WDR31: variants seen among roughly 807,000 people sequenced by gnomAD.
WDR31 encodes WD repeat domain 31.
A neutral mutation model predicts 47.3 loss-of-function variants in WDR31; 30 were observed. The observed-to-expected ratio is 0.63, with a 90% CI of 0.47 to 0.86. WDR31 has a LOEUF of 0.86. WDR31 is among the 40% of genes least tolerant of loss of function. The pLI, the probability that WDR31 is intolerant of heterozygous loss-of-function variation, is 0.00. For synonymous variants in WDR31, 137 were observed against 159.4 expected (o/e 0.86, Z 1.06); for missense variants, 406 against 442.9 (o/e 0.92, Z 0.75).
chr9:113,317,465 C>T (rs1430964763), intron 10 of WDR31, among the ~76,000 whole-genome samples: 1 of 152,242 alleles, frequency 6.6e-6, no homozygotes, highest in Non-Finnish European at 1.5e-5. Context: ...TCTCCCTGGT[C>T]AGATTTATGA....
chr9:113,335,165 A>G (rs1409386413), intron 2 of WDR31, among the ~76,000 whole-genome samples: 1 of 152,238 alleles, frequency 6.6e-6, no homozygotes, highest in Non-Finnish European at 1.5e-5. Context: ...CTGAAAAGAA[A>G]GAGAATGAAT....
chr9:113,329,190 T>C (rs1305246494), intron 4 of WDR31, among the ~76,000 whole-genome samples: 1 of 152,244 alleles, frequency 6.6e-6, no homozygotes, highest in Non-Finnish European at 1.5e-5. Context: ...GGACCACTGC[T>C]CTAAACTTAC....
rs138623027 is a variant in WDR31, at chr9:113,331,146, A to T, written c.117-30T>A. 954 of 675,140 alleles carry T rather than the reference A, an allele frequency of 1.4e-3. 27 individuals carry two copies. The East Asian group carries it at 0.056, about 40-fold the overall frequency. The allele number at this position is 675,140 out of a possible 1,614,324, so 41.8% of individuals were successfully genotyped here. A position where few individuals can be genotyped will look rare whatever the true frequency, so the allele number is the denominator to read the frequency against. On this transcript the variant is annotated intron_variant, in intron 3 of 10. Transcript: ENST00000374193. ...AAAGAGTATAGAAAATGAGAGACCC[A>T]ATGGCATGGGAGTGGATGGGGGTGG... is the stretch of plus-strand genomic sequence containing the variant.
Position 113,316,794 on chromosome 9 carries a change from C to G in WDR31, c.1059G>C (p.Met353Ile). 6.2e-7 allele frequency: 1 copy of G among 1,614,130 alleles called. No individual in the cohort carries two copies. Among genetic ancestry groups the G allele is most frequent in the Non-Finnish European group, 8.5e-7 (1 of 1,180,014 alleles). ...GCAGTTCCAGCCCTTGGCTGTGGTCCATTCTGAGTAAGTGAATTCCTCTGT... is the reference window on the plus strand; with the variant it reads ...GCAGTTCCAGCCCTTGGCTGTGGTCGATTCTGAGTAAGTGAATTCCTCTGT... ...SFNRGIHLLR[M>I]DHSQGLELQE... is the part of the protein sequence containing the mutation. The change falls in exon 11 of 11, where the codon ATG becomes ATC. Residue 353 changes from methionine to isoleucine, a missense_variant. Transcript: ENST00000374193.
intron 10 of WDR31, 93 bp from the exon 11 acceptor site, chr9:113,317,002 T>C: frequency 6.9e-7 from 1 of 1,439,290 alleles, no homozygotes; most frequent in South Asian, 1.3e-5. Context: ...ATAAAGCATT[T>C]GCTGTACATA....
In WDR31 at chr9:113,316,734, G is replaced by C; in HGVS notation, c.*15C>G. 6.2e-7 allele frequency: 1 copy of C among 1,611,434 alleles called. No homozygotes were observed. The highest frequency in any genetic ancestry group is 8.5e-7 in the Non-Finnish European group (1 of 1,178,640). ...GAGCCATGGTTTGATATTGTCCAGT[G>C]AGTGTCTCTTGGCCTCAGAATGCTG... is the stretch of plus-strand genomic sequence containing the variant. On this transcript the variant is annotated 3_prime_UTR_variant, in exon 11 of 11. Transcript: ENST00000374193.
chr9:113,329,884 G>A (rs1833556586), intron 4 of WDR31, among the ~76,000 whole-genome samples: 1 of 151,994 alleles, frequency 6.6e-6, no homozygotes, highest in Non-Finnish European at 1.5e-5. Flanking sequence ...GGGAAGCTGA[G>A]GCTGGAGAAT....
chr9:113,331,424 G>T (rs966322492), intron 3 of WDR31, among the ~76,000 whole-genome samples: 5 of 152,102 alleles, frequency 3.3e-5, no homozygotes, highest in Non-Finnish European at 5.9e-5. Context: ...CTCTGTGTAT[G>T]GGTGCAGACA....
Position 113,313,737 on chromosome 9 carries a change from T to C in WDR31, c.*3012A>G, listed in dbSNP as rs1010027962. The C allele has an allele frequency of 2.0e-5, 3 of 152,168 alleles. No individual in the cohort carries two copies. Among genetic ancestry groups the C allele is most frequent in the Non-Finnish European group, 2.9e-5 (2 of 68,036 alleles). 9.4% of individuals were successfully genotyped at this position (152,168 alleles called of 1,614,324 possible). Reference sequence around the variant, plus strand: ...TGGGAATAACAAATGAGAATAAATATATTTAGCCCTCTGTAGATGCTCAGT... The same window carrying C: ...TGGGAATAACAAATGAGAATAAATACATTTAGCCCTCTGTAGATGCTCAGT... On this transcript the variant is annotated 3_prime_UTR_variant, in exon 11 of 11. Transcript: ENST00000374193.
intron 2 of WDR31, among the ~76,000 whole-genome samples, chr9:113,333,336 A>C (rs2118848595): frequency 6.6e-6 from 1 of 150,938 alleles, no homozygotes; most frequent in Middle Eastern, 3.4e-3. Context: ...AGCCTCAGTT[A>C]TTCTAAAAGG....
At chr9:113,339,020 G>C (rs1421151875) in intron 1 of WDR31, among the ~76,000 whole-genome samples, 1 of 152,152 alleles carries the variant, frequency 6.6e-6, no homozygotes, top group African/African-American at 2.4e-5. Context: ...CCAGGCTCCA[G>C]ACCCAGAAAG....
At chr9:113,325,697 G>T (rs971514414) in intron 5 of WDR31, among the ~76,000 whole-genome samples, 12 of 151,308 alleles carry the variant, frequency 7.9e-5, no homozygotes, top group African/African-American at 2.9e-4. Context: ...TTTTTATCTA[G>T]TCTATTATCA....
chr9:113,318,755 A>G (rs1588038809), intron 9 of WDR31, 118 bp from the exon 10 acceptor site: 1 of 1,036,100 alleles, frequency 9.7e-7, no homozygotes, highest in Non-Finnish European at 1.4e-6. Context: ...TCACGTAGCT[A>G]CCCCTTATCT....
At chr9:113,335,931 T>C (rs2118861410) in intron 2 of WDR31, among the ~76,000 whole-genome samples, 1 of 152,342 alleles carries the variant, frequency 6.6e-6, no homozygotes, top group South Asian at 2.1e-4. Context: ...ACAAAAATAC[T>C]TGTGAAGTGG....
At chr9:113,324,741 G>A (rs1052001593) in intron 5 of WDR31, among the ~76,000 whole-genome samples, 4 of 151,456 alleles carry the variant, frequency 2.6e-5, no homozygotes, top group Admixed American at 6.6e-5. Context: ...GTATATTACC[G>A]CATTTTGTTT....
chr9:113,322,672 C>T, intron 7 of WDR31, 139 bp downstream of exon 7: 1 of 708,940 alleles, frequency 1.4e-6, no homozygotes. Flanking sequence ...AGGCCAGGGT[C>T]TCACAGCAGG....
rs537762675 is a variant in WDR31 at position 113,339,300 on chromosome 9, G to A, written c.-182+917C>T. On this transcript the variant is annotated intron_variant, in intron 1 of 10. Transcript: ENST00000374193. ...CCATGAAGAAACTGGGACTCAGAGGGCTGTGACTTGCTGAAGGTCACAGGG... is the reference window on the plus strand; with the variant it reads ...CCATGAAGAAACTGGGACTCAGAGGACTGTGACTTGCTGAAGGTCACAGGG... 7.2e-5 allele frequency among the ~76,000 whole-genome samples: 11 copies of A among 152,284 alleles called. No homozygotes were observed. The South Asian group carries it at 2.1e-3, about 29-fold the overall frequency.
At chr9:113,318,962 A>G (rs911564038) in intron 9 of WDR31, among the ~76,000 whole-genome samples, 5 of 152,224 alleles carry the variant, frequency 3.3e-5, no homozygotes, top group African/African-American at 1.2e-4. Flanking sequence ...TGGGGAACCC[A>G]TGGGGAGCCC....
intron 1 of WDR31, among the ~76,000 whole-genome samples, chr9:113,337,770 C>T (rs1007905404): frequency 6.6e-5 from 10 of 151,980 alleles, no homozygotes; most frequent in Non-Finnish European, 1.2e-4. Context: ...CCAGCCACAT[C>T]GGAGCATTTT....
Sources: allele counts gnomAD v4.1 joint callset (sites outside exome capture counted in the v4.1 genomes callset), GRCh38; gene constraint gnomAD v4.1.1; transcripts MANE v1.5; gene names NCBI Gene and HGNC (gene_info 2026-07-23, HGNC 2026-07-21).